ECHDC2: variants seen among roughly 807,000 people sequenced by gnomAD.
The protein encoded by ECHDC2 is enoyl-CoA hydratase domain containing 2.
Under a neutral mutation model 40.6 loss-of-function variants are expected in ECHDC2, and 34 were observed. That is an observed-to-expected ratio of 0.84 (90% CI 0.64 to 1.11). The LOEUF (loss-of-function observed/expected upper bound fraction) is 1.11. ECHDC2 is among the 50% of genes most tolerant of loss of function. The probability of loss-of-function intolerance (pLI) is 0.00; values close to 1 mark genes in which losing one functional copy is unlikely to be tolerated. For synonymous variants in ECHDC2, 162 were observed against 166.6 expected (o/e 0.97, Z 0.21); for missense variants, 392 against 400.7 (o/e 0.98, Z 0.19).
rs759233702 is a variant in ECHDC2 at position 52,904,741 on chromosome 1, C to T, written c.607G>A (p.Val203Ile). 1.4e-5 allele frequency: 22 copies of T among 1,612,716 alleles called. No homozygotes were observed. The highest frequency in any genetic ancestry group is 9.9e-5 in the South Asian group (9 of 91,086). The change falls in exon 7 of 10, where the codon GTA (valine) becomes ATA (isoleucine). Residue 203 changes from valine (V) to isoleucine (I), a missense_variant. Val to Ile is a conservative substitution (Grantham distance 29). Transcript: ENST00000371522. The stretch of plus-strand genomic sequence containing the variant: ...ACAGCGTGATTCACCAGCCCCAGTA[C>T]GTGGGCCTCAGTTCCACTCAGTCGT... ...GRRLSGTEAH[V>I]LGLVNHAVAQ...
intron 1 of ECHDC2, among the ~76,000 whole-genome samples, chr1:52,920,828 G>A (rs1030176708): frequency 2.6e-5 from 4 of 152,162 alleles, no homozygotes; most frequent in African/African-American, 9.7e-5. Context: ...GATGAGATGC[G>A]GGGAGGAGAC....
intron 1 of ECHDC2, among the ~76,000 whole-genome samples, chr1:52,916,890 T>C (rs1001811918): frequency 2.0e-5 from 3 of 152,180 alleles, no homozygotes; most frequent in African/African-American, 7.2e-5. Context: ...TCCAGATGGC[T>C]TGGGTCACAG....
Position 52,896,270 on chromosome 1 carries a change from C to A in ECHDC2, c.*250G>T. On this transcript the variant is annotated 3_prime_UTR_variant, in exon 10 of 10. Coordinates refer to ENST00000371522, the MANE Select transcript of ECHDC2 (RefSeq NM_001198961.2). Reference sequence around the variant, plus strand: ...TTTATCATTCAAGTAGAGAGACAGGCATTTTCCAAAGCAAACCCAACCCTC... The same window carrying A: ...TTTATCATTCAAGTAGAGAGACAGGAATTTTCCAAAGCAAACCCAACCCTC... 2.0e-6 allele frequency: 1 copy of A among 499,606 alleles called. No individual in the cohort carries two copies. Among genetic ancestry groups the A allele is most frequent in the Non-Finnish European group, 3.6e-6 (1 of 274,124 alleles). 30.9% of individuals were successfully genotyped at this position (499,606 alleles called of 1,614,324 possible). A position where few individuals can be genotyped will look rare whatever the true frequency, so the allele number is the denominator to read the frequency against.
At chr1:52,904,462 T>C (rs936156788) in intron 7 of ECHDC2, among the ~76,000 whole-genome samples, 184 bp downstream of exon 7, 1 of 152,242 alleles carries the variant, frequency 6.6e-6, no homozygotes, top group Non-Finnish European at 1.5e-5. Context: ...TGGAATTCAA[T>C]TTACATTTTA....
chr1:52,896,609 T>C lies in ECHDC2; in HGVS notation c.802-12A>G, dbSNP rs1341859242. 1.2e-6 allele frequency: 2 copies of C among 1,611,944 alleles called. No homozygotes were observed. Among genetic ancestry groups the C allele is most frequent in the African/African-American group, 1.3e-5 (1 of 74,886 alleles). ...CGGGTTGGAATATTCTGCAACAAGG[T>C]ACAAAATATTAGTTTTGGGGGAGCA... is the stretch of plus-strand genomic sequence containing the variant. On this transcript the variant is annotated splice_polypyrimidine_tract_variant and intron_variant, in intron 9 of 9. Coordinates refer to ENST00000371522, the MANE Select transcript of ECHDC2 (RefSeq NM_001198961.2).
chr1:52,921,554 T>A lies in ECHDC2; in HGVS notation c.120A>T (p.Gln40His). 1 of 1,609,578 alleles carries A rather than the reference T, an allele frequency of 6.2e-7. No homozygotes were observed. Among genetic ancestry groups the A allele is most frequent in the East Asian group, 2.2e-5 (1 of 44,692 alleles). Reference sequence around the variant, plus strand: ...GCCGCCCCGGAACTGCACATTTACCTTGGTCCGGACCCGCCAGGGCGCGCA... The same window carrying A: ...GCCGCCCCGGAACTGCACATTTACCATGGTCCGGACCCGCCAGGGCGCGCA... ...IQVRALAGPD[Q>H]GITEILMNRP... The change falls in exon 1 of 10, where the codon CAA becomes CAT. Residue 40 changes from glutamine (Q) to histidine (H), a missense_variant and splice_region_variant. Transcript: ENST00000371522.
At chr1:52,899,149 A>G in intron 8 of ECHDC2, 25 bp downstream of exon 8, 1 of 1,614,050 alleles carries the variant, frequency 6.2e-7, no homozygotes. Flanking sequence ...TAGTGGACCC[A>G]AGTCCCAACC....
intron 7 of ECHDC2, among the ~76,000 whole-genome samples, chr1:52,903,050 CT>C (rs1311983101): frequency 9.9e-5 from 15 of 152,120 alleles, no homozygotes; most frequent in Non-Finnish European, 5.9e-5. Context: ...ACCCAACCCC[CT>C]GTATCCTGGG....
intron 3 of ECHDC2, 78 bp downstream of exon 3, chr1:52,911,488 G>A: frequency 2.9e-6 from 4 of 1,391,466 alleles, no homozygotes; most frequent in Non-Finnish European, 4.1e-6. Context: ...TGCTGAAGCT[G>A]ATCTAAGGTT....
At chr1:52,919,736 C>T (rs1651475006) in intron 1 of ECHDC2, among the ~76,000 whole-genome samples, 1 of 152,202 alleles carries the variant, frequency 6.6e-6, no homozygotes, top group Non-Finnish European at 1.5e-5. Context: ...CATCAAATGA[C>T]CCCAACTCAT....
At chr1:52,920,938 A>C (rs1490842628) in intron 1 of ECHDC2, among the ~76,000 whole-genome samples, 1 of 152,210 alleles carries the variant, frequency 6.6e-6, no homozygotes, top group Non-Finnish European at 1.5e-5. Context: ...CAACAACAAC[A>C]ACAAAAACGC....
chr1:52,921,141 C>T (rs1471061766), intron 1 of ECHDC2, among the ~76,000 whole-genome samples: 1 of 152,246 alleles, frequency 6.6e-6, no homozygotes, highest in African/African-American at 2.4e-5. Flanking sequence ...CCTCCTCACT[C>T]TGCCCGCTGC....
chr1:52,920,443 G>A, intron 1 of ECHDC2: 1 of 1,195,148 alleles, frequency 8.4e-7, no homozygotes, highest in Non-Finnish European at 1.2e-6. Flanking sequence ...CACTGAAACA[G>A]CCCAAGAATG....
chr1:52,897,836 C>G (rs1646734153), intron 8 of ECHDC2: 2 of 401,890 alleles, frequency 5.0e-6, no homozygotes, highest in Non-Finnish European at 9.4e-6. Flanking sequence ...AAGAGAAGTA[C>G]CATGTGTGTG....
At position 52,896,579 on chromosome 1, in the gene ECHDC2, G is replaced by A. The variant is rs757703431; in HGVS notation, c.820C>T (p.Arg274Trp). The A allele has an allele frequency of 1.2e-5, 20 of 1,613,916 alleles. No individual in the cohort carries two copies. The highest frequency in any genetic ancestry group is 2.2e-5 in the East Asian group (1 of 44,874). The change falls in exon 10 of 10, where the codon CGG (arginine) becomes TGG (tryptophan). Residue 274 changes from arginine (R) to tryptophan (W), a missense_variant. By Grantham distance (101) the Arg-to-Trp change is moderately radical (BLOSUM62 -3). Transcript: ENST00000371522. ...CTGAAGGCTGCCATGCCCTCTAGCC[G>A]GTCCCGGGTTGGAATATTCTGCAAC... ...CYAQNIPTRD[R>W]LEGMAAFREK...
At chr1:52,906,331 C>A in intron 5 of ECHDC2, 188 bp downstream of exon 5, 1 of 686,840 alleles carries the variant, frequency 1.5e-6, no homozygotes. Context: ...GATACTACAG[C>A]AGCTAATGGC....
rs1649570207 is a variant in ECHDC2, at chr1:52,911,738, A to C, written c.174T>G (p.Asn58Lys). The change falls in exon 2 of 10, where the codon AAT (asparagine) becomes AAG (lysine). Residue 58 changes from asparagine (N) to lysine (K), a missense_variant. Coordinates refer to ENST00000371522, the MANE Select transcript of ECHDC2 (RefSeq NM_001198961.2). ...NRPSARNALGNVFVSELLETL... is the reference protein window; with the variant it reads ...NRPSARNALGKVFVSELLETL... ...CCTTTCTTACCTCACTGACGAAGAC[A>C]TTCCCCAAGGCATTGCGGGCAGAAG... 2 of 1,613,808 alleles carry C rather than the reference A, an allele frequency of 1.2e-6. No homozygotes were observed. Among genetic ancestry groups the C allele is most frequent in the Non-Finnish European group, 1.7e-6 (2 of 1,179,924 alleles).
At chr1:52,897,977 C>T in intron 8 of ECHDC2, 1 of 195,552 alleles carries the variant, frequency 5.1e-6, no homozygotes, top group Non-Finnish European at 1.1e-5. Flanking sequence ...ACCCAGACAG[C>T]CTAGTGCCTC....
At chr1:52,904,983 C>A (rs1046247223) in intron 6 of ECHDC2, 51 bp downstream of exon 6, 1 of 1,612,190 alleles carries the variant, frequency 6.2e-7, no homozygotes. Context: ...AGGAAAGCAG[C>A]GAAGGACCCT....
Sources: allele counts gnomAD v4.1 joint callset (sites outside exome capture counted in the v4.1 genomes callset), GRCh38; gene constraint gnomAD v4.1.1; transcripts MANE v1.5; gene names NCBI Gene and HGNC (gene_info 2026-07-23, HGNC 2026-07-21).